CSGALNACT2: variants seen among roughly 807,000 people sequenced by gnomAD.
The protein encoded by CSGALNACT2 is beta 4 GalNAcT-2.
CSGALNACT2 carries 35 observed loss-of-function variants against 55.3 expected under a neutral mutation model. The ratio of observed to expected loss-of-function variants is 0.63; its 90% CI spans 0.48 to 0.84. The LOEUF (loss-of-function observed/expected upper bound fraction) is 0.84. Ranked by LOEUF, CSGALNACT2 falls within the 40% of genes least tolerant of loss-of-function variation. The pLI, the probability that CSGALNACT2 is intolerant of heterozygous loss-of-function variation, is 0.00. For synonymous variants in CSGALNACT2, 196 were observed against 224.9 expected, an observed-to-expected ratio of 0.87 and a Z score of 1.15; for missense variants, 544 against 657.5, an observed-to-expected ratio of 0.83 and a Z score of 1.89.
At chr10:43,157,285 C>T (rs901115145) in intron 2 of CSGALNACT2, among the ~76,000 whole-genome samples, 1 of 152,216 alleles carries the variant, frequency 6.6e-6, no homozygotes, top group Admixed American at 6.5e-5. Flanking sequence ...GTTTTATATT[C>T]TGCAGCTCCT....
chr10:43,155,575 G>A lies in CSGALNACT2; in HGVS notation c.426G>A (p.Glu142=). 6.2e-7 allele frequency: 1 copy of A among 1,614,220 alleles called. No individual in the cohort carries two copies. Residue 142 remains glutamate, a synonymous_variant, in exon 2 of 8, where the codon GAG becomes GAA. Coordinates refer to ENST00000374466, the MANE Select transcript of CSGALNACT2 (RefSeq NM_018590.5). ...GCATAGGGGCCAAACTACCCAGTGAGTATGGGGTCATTCCCTTTGAAAGTT... is the reference window on the plus strand; with the variant it reads ...GCATAGGGGCCAAACTACCCAGTGAATATGGGGTCATTCCCTTTGAAAGTT... The part of the protein sequence containing the change: ...EVSIGAKLPS[E]YGVIPFESFT...
At chr10:43,177,726 C>T (rs1314659377) in intron 7 of CSGALNACT2, among the ~76,000 whole-genome samples, 2 of 152,162 alleles carry the variant, frequency 1.3e-5, no homozygotes, top group African/African-American at 2.4e-5. Flanking sequence ...CTGCTGTGAA[C>T]ATTTGTGTTT....
In CSGALNACT2 at chr10:43,158,762, T is replaced by G; in HGVS notation, c.709T>G (p.Phe237Val). 1 of 1,612,916 alleles carries G rather than the reference T, an allele frequency of 6.2e-7. No homozygotes were observed. Among genetic ancestry groups the G allele is most frequent in the Non-Finnish European group, 8.5e-7 (1 of 1,179,090 alleles). ...RDKGTQYELFFKKADLTEYRH... is the reference protein window; with the variant it reads ...RDKGTQYELFVKKADLTEYRH... Reference sequence around the variant, plus strand: ...TAAGGGCACACAGTATGAACTCTTTTTTAAGAAAGCAGACCTTACGGAATA... The same window carrying G: ...TAAGGGCACACAGTATGAACTCTTTGTTAAGAAAGCAGACCTTACGGAATA... The change falls in exon 3 of 8, where the codon TTT becomes GTT. Residue 237 changes from phenylalanine (F) to valine (V), a missense_variant. Physicochemically the swap from Phe to Val is conservative, Grantham distance 50. Transcript: ENST00000374466.
intron 3 of CSGALNACT2, 84 bp downstream of exon 3, chr10:43,159,015 G>A (rs964755539): frequency 2.7e-5 from 20 of 747,810 alleles, no homozygotes; most frequent in Admixed American, 4.7e-5. Context: ...TATCTTCACC[G>A]ATTATAATTA....
intron 2 of CSGALNACT2, among the ~76,000 whole-genome samples, chr10:43,157,356 A>G (rs1404094451): frequency 6.6e-6 from 1 of 152,220 alleles, no homozygotes; most frequent in East Asian, 1.9e-4. Flanking sequence ...TAAATGGAAC[A>G]TATTCTGTTC....
At chr10:43,160,065 C>T in intron 3 of CSGALNACT2, among the ~76,000 whole-genome samples, 1 of 152,180 alleles carries the variant, frequency 6.6e-6, no homozygotes, top group East Asian at 1.9e-4. Context: ...TTATTATTTA[C>T]AGTAAGTAAT....
In CSGALNACT2 at chr10:43,160,552, G is replaced by T. The variant is rs1222709252; in HGVS notation, c.937G>T (p.Glu313Ter). ...TCTCACAGTGGTGTATTTTGGTAAA[G>T]AAGGACTGTCTAAAGTCAAGTCTAT... is the stretch of plus-strand genomic sequence containing the variant. ...IHLTVVYFGK[E>*]GLSKVKSILE... is the part of the protein sequence containing the mutation. The change falls in exon 4 of 8, where the codon GAA (glutamate) becomes TAA (stop). Residue 313 changes from glutamate (E) to a stop codon, truncating the protein, a stop_gained. Coordinates refer to ENST00000374466, the MANE Select transcript of CSGALNACT2 (RefSeq NM_018590.5). LOFTEE classifies it high-confidence loss of function. The T allele has an allele frequency of 6.3e-7, 1 of 1,596,940 alleles. No individual in the cohort carries two copies. The highest frequency in any genetic ancestry group is 1.7e-5 in the Admixed American group (1 of 59,582).
intron 7 of CSGALNACT2, 28 bp downstream of exon 7, chr10:43,176,060 G>A (rs1214516277): frequency 6.5e-7 from 1 of 1,535,226 alleles, no homozygotes; most frequent in Non-Finnish European, 8.9e-7. Context: ...TTAAGGATAG[G>A]ACTTTATTTA....
intron 6 of CSGALNACT2, among the ~76,000 whole-genome samples, chr10:43,175,663 C>T (rs547557956): frequency 1.3e-5 from 2 of 152,156 alleles, no homozygotes; most frequent in African/African-American, 4.8e-5. Flanking sequence ...TAAGGTTGAT[C>T]CTGTGTGTTA....
chr10:43,143,538 G>GTGTGT (rs1564508134), intron 1 of CSGALNACT2, among the ~76,000 whole-genome samples: 13 of 125,868 alleles, frequency 1.0e-4, no homozygotes, highest in Admixed American at 8.0e-4. Context: ...TGTGTGTGTG[G>GTGTGT]AATCATAATA....
chr10:43,165,655 G>T (rs1275416543), intron 5 of CSGALNACT2, among the ~76,000 whole-genome samples: 1 of 152,038 alleles, frequency 6.6e-6, no homozygotes, highest in Non-Finnish European at 1.5e-5. Context: ...TTTTGGCCAG[G>T]CATGGTGGCT....
At chr10:43,163,612 C>G (rs1839197734) in intron 4 of CSGALNACT2, 7 of 985,356 alleles carry the variant, frequency 7.1e-6, no homozygotes, top group Non-Finnish European at 8.4e-6. Flanking sequence ...TTTAAGATTC[C>G]AAAGGTCAGT....
intron 6 of CSGALNACT2, 92 bp downstream of exon 6, chr10:43,167,190 C>T (rs1356807691): frequency 1.2e-6 from 1 of 820,074 alleles, no homozygotes; most frequent in Non-Finnish European, 2.0e-6. Context: ...CAATAAAAAA[C>T]TGTATTTCCA....
At chr10:43,169,969 G>A (rs1371660143) in intron 6 of CSGALNACT2, among the ~76,000 whole-genome samples, 2 of 152,132 alleles carry the variant, frequency 1.3e-5, no homozygotes, top group African/African-American at 4.8e-5. Flanking sequence ...GAGCTTTCAA[G>A]GACTCAGAAT....
intron 6 of CSGALNACT2, 119 bp downstream of exon 6, chr10:43,167,217 G>C (rs904978298): frequency 1.4e-5 from 9 of 656,616 alleles, no homozygotes; most frequent in Non-Finnish European, 2.2e-5. Flanking sequence ...AAGTGTTAAA[G>C]AAAAACTATA....
intron 6 of CSGALNACT2, among the ~76,000 whole-genome samples, chr10:43,171,405 T>G (rs1308180253): frequency 6.6e-6 from 1 of 150,560 alleles, no homozygotes; most frequent in Non-Finnish European, 1.5e-5. Flanking sequence ...CAGCCTGGAG[T>G]GCAGTGGCAT....
chr10:43,162,260 C>T (rs1339109871), intron 4 of CSGALNACT2: 1 of 545,068 alleles, frequency 1.8e-6, no homozygotes, highest in Admixed American at 1.9e-5. Flanking sequence ...CACATCTTCT[C>T]AGCTTTGCCA....
At chr10:43,163,527 T>C (rs1839196117) in intron 4 of CSGALNACT2, 1 of 985,294 alleles carries the variant, frequency 1.0e-6, no homozygotes, top group East Asian at 1.1e-4. Flanking sequence ...GTGTGTGTTA[T>C]CCATTTAGAA....
chr10:43,159,432 G>T (rs553594426), intron 3 of CSGALNACT2, among the ~76,000 whole-genome samples: 1 of 151,994 alleles, frequency 6.6e-6, no homozygotes, highest in East Asian at 1.9e-4. Flanking sequence ...CCAAGTAGCT[G>T]GGACCACAGG....
Sources: allele counts gnomAD v4.1 joint callset (sites outside exome capture counted in the v4.1 genomes callset), GRCh38; gene constraint gnomAD v4.1.1; transcripts MANE v1.5; gene names NCBI Gene and HGNC (gene_info 2026-07-23, HGNC 2026-07-21).